The following F8 variants were observed in gnomAD, a reference collection of about 807,000 sequenced individuals.
F8 encodes antihemophilic factor.
F8 carries 12 observed loss-of-function variants against 140.6 expected under a neutral mutation model. That is an observed-to-expected ratio of 0.09 (90% CI 0.05 to 0.14). F8 has a LOEUF of 0.14. Ranked by LOEUF, F8 falls within the 10% of genes least tolerant of loss-of-function variation. The probability of loss-of-function intolerance (pLI) is 1.00; values close to 1 mark genes in which losing one functional copy is unlikely to be tolerated. For missense variants in F8, 1,354 were observed against 1,720.7 expected (o/e 0.79, Z 3.77); for synonymous variants, 585 against 614.6 (o/e 0.95, Z 0.71).
At chrX:154,927,536 T>C (rs2073167396) in intron 14 of F8, among the ~76,000 whole-genome samples, 1 of 111,921 alleles carries the variant, frequency 8.9e-6, no homozygotes, top group Admixed American at 9.5e-5. Context: ...TCTGTGGAGG[T>C]TCATTGCACA....
intron 25 of F8, among the ~76,000 whole-genome samples, chrX:154,839,545 G>C (rs1183549973): frequency 2.7e-5 from 3 of 109,611 alleles, no homozygotes; most frequent in Non-Finnish European, 5.7e-5. Context: ...TGTATTTTTA[G>C]TAGAGATGGG....
At chrX:154,865,327 C>A (rs2072723747) in intron 22 of F8, among the ~76,000 whole-genome samples, 1 of 109,766 alleles carries the variant, frequency 9.1e-6, no homozygotes, top group Non-Finnish European at 1.9e-5. Context: ...ATAAGAAGTG[C>A]TAATAGTTCT....
chrX:154,928,519 TA>T, intron 14 of F8, 51 bp downstream of exon 14: 1 of 1,070,813 alleles, frequency 9.3e-7, no homozygotes, highest in Non-Finnish European at 1.3e-6. Flanking sequence ...CATCATCTGG[TA>T]AAGTCAAATG....
intron 9 of F8, among the ~76,000 whole-genome samples, chrX:154,962,271 T>C (rs1471119012): frequency 1.8e-5 from 2 of 112,071 alleles, no homozygotes; most frequent in Admixed American, 9.5e-5. Flanking sequence ...CAGTTGACAA[T>C]GTAGAGGGCT....
chrX:154,955,615 C>T (rs2073361233), intron 11 of F8, among the ~76,000 whole-genome samples: 1 of 110,238 alleles, frequency 9.1e-6, no homozygotes, highest in African/African-American at 3.3e-5. Flanking sequence ...GCTGGGTCTC[C>T]AGGGGTGACA....
At chrX:154,962,378 T>C (rs2073399452) in intron 9 of F8, among the ~76,000 whole-genome samples, 1 of 112,466 alleles carries the variant, frequency 8.9e-6, no homozygotes. Flanking sequence ...CTCACACTAA[T>C]TGAAATTTAG....
chrX:154,910,610 A>T lies in F8; in HGVS notation c.5220-4037T>A, dbSNP rs782113089. On this transcript the variant is annotated intron_variant, in intron 14 of 25. Transcript: ENST00000360256. ...CACCATTCTCTAATCTCAAGTACCC[A>T]GGGACACAATACACTGCGGAAGGCC... Among the ~76,000 whole-genome samples the T allele has an allele frequency of 5.3e-5, 6 of 112,511 alleles. No individual in the cohort carries two copies. In the South Asian group the frequency reaches 2.2e-3, roughly 42 times the overall value.
intron 4 of F8, among the ~76,000 whole-genome samples, chrX:154,987,574 AAC>A (rs1557284340): frequency 8.8e-6 from 1 of 113,056 alleles, no homozygotes; most frequent in African/African-American, 3.2e-5. Context: ...AAAAATTAAA[AAC>A]ACTTACAAAA....
intron 11 of F8, among the ~76,000 whole-genome samples, chrX:154,955,853 T>C (rs1353968647): frequency 1.8e-5 from 2 of 111,910 alleles, no homozygotes; most frequent in Non-Finnish European, 3.8e-5. Flanking sequence ...TGCATTGTCA[T>C]TGATAAACAT....
chrX:154,972,152 A>C (rs2124113252), intron 6 of F8, among the ~76,000 whole-genome samples: 1 of 112,270 alleles, frequency 8.9e-6, no homozygotes, highest in African/African-American at 3.2e-5. Flanking sequence ...ACAGTGTATA[A>C]GGGTTTCTTT....
intron 1 of F8, among the ~76,000 whole-genome samples, chrX:155,010,833 C>T (rs1557286508): frequency 9.0e-6 from 1 of 111,623 alleles, no homozygotes; most frequent in Non-Finnish European, 1.9e-5. Flanking sequence ...TAACATTGCT[C>T]ATCTGCAGGC....
Position 154,947,913 on chromosome X carries a change from A to C in F8, c.1904-6T>G. On this transcript the variant is annotated splice_region_variant and splice_polypyrimidine_tract_variant and intron_variant, in intron 12 of 25. Coordinates refer to ENST00000360256, the MANE Select transcript of F8 (RefSeq NM_000132.4). ...AAAAACATAGCCATTGATGCCTGCA[A>C]AAACAATGGGGAAAAGAGATTTAGA... 2.5e-6 allele frequency: 3 copies of C among 1,191,968 alleles called. No individual in the cohort carries two copies. Among genetic ancestry groups the C allele is most frequent in the Non-Finnish European group, 3.4e-6 (3 of 877,359 alleles).
chrX:154,976,716 A>C (rs1307182136), intron 6 of F8, among the ~76,000 whole-genome samples: 7 of 111,034 alleles, frequency 6.3e-5, no homozygotes, highest in African/African-American at 2.3e-4. Context: ...AAAATGTGGC[A>C]CATATACACC....
intron 1 of F8, among the ~76,000 whole-genome samples, chrX:155,009,860 A>G (rs1192739519): frequency 8.9e-6 from 1 of 112,282 alleles, no homozygotes; most frequent in Non-Finnish European, 1.9e-5. Context: ...AAGAGCACAC[A>G]GAAACACTTT....
At chrX:154,906,643 A>G in intron 14 of F8, 70 bp from the exon 15 acceptor site, 1 of 1,024,440 alleles carries the variant, frequency 9.8e-7, no homozygotes, top group Non-Finnish European at 1.4e-6. Context: ...TCACATCCTC[A>G]TTTTCCTAGG....
chrX:154,988,386 C>G (rs1002119866), intron 4 of F8, among the ~76,000 whole-genome samples: 2 of 111,734 alleles, frequency 1.8e-5, no homozygotes, highest in African/African-American at 6.5e-5. Context: ...CAGTCTAGAC[C>G]TCATGGTTAT....
intron 13 of F8, among the ~76,000 whole-genome samples, chrX:154,946,910 A>G (rs1465493621): frequency 8.9e-6 from 1 of 111,792 alleles, no homozygotes; most frequent in Admixed American, 9.4e-5. Flanking sequence ...ATGGACAAAG[A>G]TCTGAATAGA....
chrX:154,995,754 CA>C (rs1304469667), intron 3 of F8, among the ~76,000 whole-genome samples: 1 of 112,372 alleles, frequency 8.9e-6, no homozygotes, highest in Non-Finnish European at 1.9e-5. Flanking sequence ...CAAATATAAG[CA>C]TTTCAACTTG....
rs368388303 is a variant in F8 at position 154,904,533 on chromosome X, G to A, written c.5587-9C>T. On this transcript the variant is annotated splice_polypyrimidine_tract_variant and intron_variant, in intron 16 of 25. Transcript: ENST00000360256. ...GAGTGCACATCTTTTTCCTAGGGAG[G>A]GAAGACATCAATCCTATGAGTATAA... is the stretch of plus-strand genomic sequence containing the variant. 1 of 1,176,675 alleles carries A rather than the reference G, an allele frequency of 8.5e-7. No homozygotes were observed. The highest frequency in any genetic ancestry group is 1.8e-5 in the African/African-American group (1 of 56,965).
Sources: gnomAD v4.1 joint callset for allele counts (sites outside exome capture counted in the v4.1 genomes callset) on GRCh38, gnomAD v4.1.1 for gene constraint, MANE v1.5 for transcripts, NCBI Gene and HGNC (gene_info 2026-07-23, HGNC 2026-07-21) for gene names.